Variants in ETNPPL observed in about 807,000 individuals in gnomAD.
The protein encoded by ETNPPL is ethanolamine-phosphate phospho-lyase.
Under a neutral mutation model 55.5 loss-of-function variants are expected in ETNPPL, and 30 were observed. The observed-to-expected ratio is 0.54, with a 90% confidence interval of 0.40 to 0.73. ETNPPL has a LOEUF of 0.73. Among genes scored for constraint, ETNPPL ranks in the 30% least tolerant of loss-of-function variants. ETNPPL has a pLI of 0.00. For synonymous variants in ETNPPL, 202 were observed against 207.2 expected (o/e 0.98, Z 0.21); for missense variants, 528 against 607.9 (o/e 0.87, Z 1.38).
At chr4:108,750,864 CA>C in intron 7 of ETNPPL, 71 bp downstream of exon 7, 1 of 1,075,872 alleles carries the variant, frequency 9.3e-7, no homozygotes, top group Admixed American at 1.7e-5. Flanking sequence ...AATATCTTAG[CA>C]ACTAGTATGG....
Position 108,753,792 on chromosome 4 carries a change from G to T in ETNPPL, c.502-781C>A, listed in dbSNP as rs1310194771. On this transcript the variant is annotated intron_variant, in intron 5 of 12. Transcript: ENST00000296486. The stretch of plus-strand genomic sequence containing the variant: ...AGAAAGAAAGAAAGAAAGAAAGAAA[G>T]AAAGAAAGAAAGAAAAGAGAAGAAA... 6.3e-4 allele frequency among the ~76,000 whole-genome samples: 64 copies of T among 102,052 alleles called. 2 individuals are homozygous for T. The East Asian group carries it at 0.013, about 21-fold the overall frequency. 67.0% of individuals were successfully genotyped at this position (102,052 alleles called of 152,430 possible).
intron 9 of ETNPPL, 88 bp downstream of exon 9, chr4:108,747,917 A>G (rs967337983): frequency 1.9e-5 from 21 of 1,120,652 alleles, no homozygotes; most frequent in Non-Finnish European, 2.7e-5. Context: ...TTTAATAGAG[A>G]CGGGGTCTCA....
At chr4:108,755,938 C>G (rs1427720498) in intron 4 of ETNPPL, among the ~76,000 whole-genome samples, 1 of 152,206 alleles carries the variant, frequency 6.6e-6, no homozygotes, top group Non-Finnish European at 1.5e-5. Context: ...TTAATAATTA[C>G]AGGCTAATGA....
intron 9 of ETNPPL, among the ~76,000 whole-genome samples, chr4:108,747,623 A>C (rs1214443268): frequency 1.3e-5 from 2 of 152,002 alleles, no homozygotes; most frequent in African/African-American, 4.8e-5. Flanking sequence ...AACAGTGGTG[A>C]TATCTGGATT....
Position 108,763,042 on chromosome 4 carries a change from C to G in ETNPPL, c.-144G>C. ...TTCTCTTGCCCGGGGCGTCGGAGGT[C>G]ACCGGTGGCGTCAACTAGCTAGGAT... On this transcript the variant is annotated 5_prime_UTR_variant, in exon 1 of 13. Coordinates refer to ENST00000296486, the MANE Select transcript of ETNPPL (RefSeq NM_031279.4). The G allele has an allele frequency of 1.4e-6, 1 of 692,706 alleles. No individual in the cohort carries two copies. The highest frequency in any genetic ancestry group is 1.8e-5 in the African/African-American group (1 of 56,568). The allele number at this position is 692,706 out of a possible 1,614,324, so 42.9% of individuals were successfully genotyped here.
rs372879656 is a variant in ETNPPL, at chr4:108,743,778, C to T, written c.1371+11G>A. On this transcript the variant is annotated intron_variant, in intron 12 of 12. Coordinates refer to ENST00000296486, the MANE Select transcript of ETNPPL (RefSeq NM_031279.4). ...AACTTTCCCCCTAAAAATAAAGTAGCCAACCCTTACCTTTGTTTTGCATGG... is the reference window on the plus strand; with the variant it reads ...AACTTTCCCCCTAAAAATAAAGTAGTCAACCCTTACCTTTGTTTTGCATGG... 5.0e-6 allele frequency: 8 copies of T among 1,591,070 alleles called. No individual in the cohort carries two copies.
In ETNPPL at chr4:108,756,450, G is replaced by A; in HGVS notation, c.378C>T (p.Phe126=). The change falls in exon 4 of 13, where the codon TTC becomes TTT. Residue 126 remains phenylalanine (F), a synonymous_variant. Coordinates refer to ENST00000296486, the MANE Select transcript of ETNPPL (RefSeq NM_031279.4). ...GAGTGATCACATCCTGGTGGCCTCT[G>A]AACTGCCGAGCCAGGCGTAAGGCTA... ...NDLALRLARQ[F]RGHQDVITLD... The A allele has an allele frequency of 1.9e-6, 3 of 1,614,064 alleles. No homozygotes were observed. The highest frequency in any genetic ancestry group is 2.5e-6 in the Non-Finnish European group (3 of 1,179,920).
chr4:108,752,634 A>T (rs553854005), intron 6 of ETNPPL, among the ~76,000 whole-genome samples: 1 of 152,314 alleles, frequency 6.6e-6, no homozygotes, highest in South Asian at 2.1e-4. Context: ...TAGACCCTGC[A>T]TACCACTGAA....
intron 3 of ETNPPL, among the ~76,000 whole-genome samples, chr4:108,757,578 AC>A (rs1560659647): frequency 1.3e-5 from 2 of 152,170 alleles, no homozygotes; most frequent in African/African-American, 4.8e-5. Flanking sequence ...TTCAAGATCA[AC>A]CTGACCAATC....
Position 108,742,567 on chromosome 4 carries a change from C to A in ETNPPL, c.1417G>T (p.Asp473Tyr). 2 of 1,614,166 alleles carry A rather than the reference C, an allele frequency of 1.2e-6. No homozygotes were observed. Among genetic ancestry groups the A allele is most frequent in the Non-Finnish European group, 1.7e-6 (2 of 1,180,032 alleles). Residue 473 changes from aspartate to tyrosine, a missense_variant, in exon 13 of 13, where the codon GAC becomes TAC. Transcript: ENST00000296486. ...TTTCTGCTGGGATTTTCTTTGGAGT[C>A]AGTGGTGCTGTCCCTAAGCAGTTCT... ...HIELLRDSTT[D>Y]SKENPSRKRN...
chr4:108,745,926 A>G (rs28715367), intron 11 of ETNPPL, among the ~76,000 whole-genome samples: 25,461 of 138,502 alleles, frequency 0.18, 3,861 homozygotes, highest in East Asian at 0.46. Context: ...GTGAGACTCC[A>G]TCTCAAAAAA....
At chr4:108,746,356 G>A (rs1728496259) in intron 11 of ETNPPL, 43 bp downstream of exon 11, 1 of 1,579,612 alleles carries the variant, frequency 6.3e-7, no homozygotes, top group African/African-American at 1.3e-5. Context: ...GGGTGGGTTT[G>A]GGAGAGGGAA....
intron 3 of ETNPPL, among the ~76,000 whole-genome samples, chr4:108,757,365 T>G (rs1160206282): frequency 6.6e-6 from 1 of 152,216 alleles, no homozygotes; most frequent in Non-Finnish European, 1.5e-5. Context: ...TATTGCCATC[T>G]CCTTTATATG....
In ETNPPL at chr4:108,746,799, T is replaced by C; in HGVS notation, c.1135A>G (p.Thr379Ala). The change falls in exon 10 of 13, where the codon ACC becomes GCC. Residue 379 changes from threonine to alanine, a missense_variant. Thr to Ala is a moderately conservative substitution (Grantham distance 58). Transcript: ENST00000296486. ...TGCTGAGCTTCAGCTGTGGCAGGGGTCCTTTTCAGATGGTCCTTCACTAAA... is the reference window on the plus strand; with the variant it reads ...TGCTGAGCTTCAGCTGTGGCAGGGGCCCTTTTCAGATGGTCCTTCACTAAA... ...IDLVKDHLKR[T>A]PATAEAQHII... The C allele has an allele frequency of 6.2e-7, 1 of 1,613,920 alleles. No individual in the cohort carries two copies. Among genetic ancestry groups the C allele is most frequent in the Non-Finnish European group, 8.5e-7 (1 of 1,179,970 alleles).
intron 8 of ETNPPL, among the ~76,000 whole-genome samples, chr4:108,748,632 A>C (rs1728737766): frequency 6.6e-6 from 1 of 152,208 alleles, no homozygotes; most frequent in Non-Finnish European, 1.5e-5. Flanking sequence ...CCAAGCTTAA[A>C]GCTTATGGGG....
At chr4:108,749,555 A>G (rs1398110648) in intron 7 of ETNPPL, 92 bp from the exon 8 acceptor site, 6 of 974,754 alleles carry the variant, frequency 6.2e-6, no homozygotes, top group Non-Finnish European at 9.3e-6. Flanking sequence ...CAAAAAAAAA[A>G]AGTTGTTAAC....
chr4:108,760,213 C>T lies in ETNPPL; in HGVS notation c.150G>A (p.Leu50=). ...CATGGGCAACATTGTTGATGCAGTC[C>T]AAGTACTGTTCACCGTTCTCATCAA... ...YMFDENGEQY[L]DCINNVAHVG... is the part of the protein sequence containing the mutation. Residue 50 remains leucine (L), a synonymous_variant, in exon 2 of 13, where the codon TTG becomes TTA. Transcript: ENST00000296486. The T allele has an allele frequency of 1.2e-6, 2 of 1,608,524 alleles. No homozygotes were observed. The highest frequency in any genetic ancestry group is 1.7e-6 in the Non-Finnish European group (2 of 1,175,040).
At chr4:108,756,574 C>G in intron 3 of ETNPPL, 82 bp from the exon 4 acceptor site, 1 of 1,044,888 alleles carries the variant, frequency 9.6e-7, no homozygotes. Context: ...CGGTAGCTCA[C>G]GCCTGTAATC....
intron 8 of ETNPPL, among the ~76,000 whole-genome samples, 181 bp from the exon 9 acceptor site, chr4:108,748,340 T>C (rs1434758856): frequency 6.6e-6 from 1 of 152,170 alleles, no homozygotes; most frequent in Non-Finnish European, 1.5e-5. Flanking sequence ...CAGGACTGAG[T>C]GAAAATTCAT....
Sources: gnomAD v4.1 joint callset for allele counts (sites outside exome capture counted in the v4.1 genomes callset) on GRCh38, gnomAD v4.1.1 for gene constraint, MANE v1.5 for transcripts, NCBI Gene and HGNC (gene_info 2026-07-23, HGNC 2026-07-21) for gene names.